SPTB: variants seen among roughly 807,000 people sequenced by gnomAD.
The protein encoded by SPTB is spectrin beta chain, erythrocytic.
SPTB carries 45 observed loss-of-function variants against 256.2 expected under a neutral mutation model. The ratio of observed to expected loss-of-function variants is 0.18; its 90% CI spans 0.14 to 0.23. SPTB has a LOEUF of 0.23. Among genes scored for constraint, SPTB ranks in the 10% least tolerant of loss-of-function variants. SPTB has a pLI of 1.00. For synonymous variants in SPTB, 1,231 were observed against 1,243.1 expected, an observed-to-expected ratio of 0.99 and a Z score of 0.21; for missense variants, 2,715 against 3,040.4, an observed-to-expected ratio of 0.89 and a Z score of 2.52.
At chr14:64,751,253 G>A (rs2081946501) in intron 33 of SPTB, among the ~76,000 whole-genome samples, 2 of 151,804 alleles carry the variant, frequency 1.3e-5, no homozygotes, top group Admixed American at 1.3e-4. Context: ...CCGAGTAGCT[G>A]GGACTACAGG....
At position 64,772,602 on chromosome 14, in the gene SPTB, T is replaced by C. The variant is rs895736691; in HGVS notation, c.5531A>G (p.Glu1844Gly). 2 of 1,609,730 alleles carry C rather than the reference T, an allele frequency of 1.2e-6. No homozygotes were observed. The highest frequency in any genetic ancestry group is 3.3e-5 in the Admixed American group (2 of 60,008). Reference sequence around the variant, plus strand: ...TACCTGGACACCCAGCAGGTGGAGCTCCCGCTCGAAGGCTGTGTGCACCCG... The same window carrying C: ...TACCTGGACACCCAGCAGGTGGAGCCCCCGCTCGAAGGCTGTGTGCACCCG... ...FHRVHTAFERELHLLGVQVQQ... is the reference protein window; with the variant it reads ...FHRVHTAFERGLHLLGVQVQQ... Residue 1844 changes from glutamate (E) to glycine (G), a missense_variant, in exon 26 of 36, where the codon GAG (glutamate) becomes GGG (glycine). Physicochemically the swap from Glu to Gly is moderately conservative, Grantham distance 98. Coordinates refer to ENST00000644917, the MANE Select transcript of SPTB (RefSeq NM_001355436.2). This position sits in a 1 kb window ranked among gnomAD's most constrained non-coding sequence, Gnocchi z 5.4.
chr14:64,780,475 G>A (rs1209976328), intron 20 of SPTB, among the ~76,000 whole-genome samples: 1 of 152,170 alleles, frequency 6.6e-6, no homozygotes, highest in Admixed American at 6.5e-5. Flanking sequence ...GTGCAATGGT[G>A]CAATCTTGGC....
Position 64,794,621 on chromosome 14 carries a change from G to C in SPTB, c.1645-4C>G. The C allele has an allele frequency of 1.9e-6, 3 of 1,614,110 alleles. No homozygotes were observed. The South Asian group carries it at 3.3e-5, about 18-fold the overall frequency. The stretch of plus-strand genomic sequence containing the variant: ...ACTCGGCAGACAAGAGGTGAGCCTG[G>C]CAAAGAGAACAGCAGAAAGGAAATG... On this transcript the variant is annotated splice_region_variant and splice_polypyrimidine_tract_variant and intron_variant, in intron 12 of 35. Transcript: ENST00000644917.
In SPTB at chr14:64,792,212, C is replaced by A. The variant is rs925443704; in HGVS notation, c.2667-356G>T. ...ACAAGGGCCACCTTCCAGGCCTCTG[C>A]TTTTCCGGCTGTTGCTTTTGGACTC... On this transcript the variant is annotated intron_variant, in intron 14 of 35. Transcript: ENST00000644917. The surrounding 1 kb of genome is among the most constrained non-coding windows in gnomAD (Gnocchi z 4.2). 5.3e-5 allele frequency among the ~76,000 whole-genome samples: 8 copies of A among 152,344 alleles called. No individual in the cohort carries two copies. The highest frequency in any genetic ancestry group is 5.2e-4 in the Admixed American group (8 of 15,298).
At position 64,825,824 on chromosome 14, in the gene SPTB, G is replaced by T. The variant is rs369083256; in HGVS notation, c.-51-2679C>A. Among the ~76,000 whole-genome samples the T allele has an allele frequency of 6.6e-6, 1 of 152,218 alleles. No homozygotes were observed. The highest frequency in any genetic ancestry group is 1.9e-4 in the East Asian group (1 of 5,198). On this transcript the variant is annotated intron_variant, in intron 1 of 35. Transcript: ENST00000644917. The surrounding 1 kb of genome is among the most constrained non-coding windows in gnomAD (Gnocchi z 4.8). ...CGTTCAAGACAAGATTGATGGCCCCGGGTGCAGAAGAGCAGCGGCTCGACA... is the reference window on the plus strand; with the variant it reads ...CGTTCAAGACAAGATTGATGGCCCCTGGTGCAGAAGAGCAGCGGCTCGACA...
Position 64,786,328 on chromosome 14 carries a change from C to T in SPTB, c.3561+76G>A, listed in dbSNP as rs1486948897. ...AGAGTAATGTGGTCCCTGAGTCTTA[C>T]AGCACATTTGTGGACTCACCACAAG... is the stretch of plus-strand genomic sequence containing the variant. On this transcript the variant is annotated intron_variant, in intron 16 of 35. Transcript: ENST00000644917. The surrounding 1 kb of genome is among the most constrained non-coding windows in gnomAD (Gnocchi z 5.6). The T allele has an allele frequency of 1.4e-5, 22 of 1,574,482 alleles. No homozygotes were observed. The highest frequency in any genetic ancestry group is 1.9e-5 in the Non-Finnish European group (22 of 1,149,024).
At position 64,772,870 on chromosome 14, in the gene SPTB, C is replaced by T. The variant is rs374977591; in HGVS notation, c.5263G>A (p.Glu1755Lys). ...CTGTGGCCCGCGTCGATGAGTCGCT[C>T]GATGAAGGCATTCACATTGTCCACC... Reference protein sequence around the residue: ...ERVDNVNAFIERLIDAGHSEA... With the variant: ...ERVDNVNAFIKRLIDAGHSEA... Residue 1755 changes from glutamate to lysine, a missense_variant, in exon 26 of 36, where the codon GAG becomes AAG. By Grantham distance (56) the Glu-to-Lys change is moderately conservative. Transcript: ENST00000644917. The surrounding 1 kb of genome is among the most constrained non-coding windows in gnomAD (Gnocchi z 5.4). 2 of 1,611,162 alleles carry T rather than the reference C, an allele frequency of 1.2e-6. No individual in the cohort carries two copies. Among genetic ancestry groups the T allele is most frequent in the East Asian group, 2.2e-5 (1 of 44,824 alleles).
intron 1 of SPTB, among the ~76,000 whole-genome samples, chr14:64,842,446 C>T (rs1000552690): frequency 5.9e-5 from 9 of 152,236 alleles, no homozygotes; most frequent in Admixed American, 1.3e-4. Flanking sequence ...AGTTAGAATG[C>T]CTGGGGATGT....
intron 1 of SPTB, among the ~76,000 whole-genome samples, chr14:64,835,181 G>A (rs981468288): frequency 6.6e-6 from 1 of 152,122 alleles, no homozygotes; most frequent in Admixed American, 6.5e-5. Flanking sequence ...GGAACATTTG[G>A]GAACGTGCCT....
rs149316006 is a variant in SPTB, at chr14:64,787,084, C to G, written c.2881G>C (p.Val961Leu). Residue 961 changes from valine (V) to leucine (L), a missense_variant, in exon 16 of 36, where the codon GTA (valine) becomes CTA (leucine). Coordinates refer to ENST00000644917, the MANE Select transcript of SPTB (RefSeq NM_001355436.2). ...CACTTGCTGGTCTCCTCGCAATCTA[C>G]GCAGTAGTTGTGCACTCGGAGGGCT... ...DSALRVHNYCVDCEETSKWIT... is the reference protein window; with the variant it reads ...DSALRVHNYCLDCEETSKWIT... 2.0e-5 allele frequency: 32 copies of G among 1,612,860 alleles called. No individual in the cohort carries two copies. In the East Asian group the frequency reaches 5.6e-4, roughly 28 times the overall value.
rs939852403 is a variant in SPTB, at chr14:64,749,428, C to T, written c.6865G>A (p.Glu2289Lys). The part of the protein sequence containing the change: ...WLQGVSTAIN[E>K]SQSIRVKAQS... The stretch of plus-strand genomic sequence containing the variant: ...GCCTTGACGCGGATGCTCTGGGACT[C>T]GTTGATGGCGGTGCTCACGCCCTGC... The change falls in exon 36 of 36, where the codon GAG becomes AAG. Residue 2289 changes from glutamate (E) to lysine (K), a missense_variant. Around this residue, in one of 4 missense-constraint regions of SPTB, gnomAD observed 2,239 missense variants for 2,384.4 expected, o/e 0.94. Transcript: ENST00000644917. This position sits in a 1 kb window ranked among gnomAD's most constrained non-coding sequence, Gnocchi z 4.7. 1.1e-5 allele frequency: 17 copies of T among 1,604,888 alleles called. No homozygotes were observed. The Middle Eastern group carries it at 6.6e-4, about 63-fold the overall frequency.
At chr14:64,776,443 A>C (rs914667995) in intron 22 of SPTB, among the ~76,000 whole-genome samples, 3 of 152,112 alleles carry the variant, frequency 2.0e-5, no homozygotes, top group Middle Eastern at 3.4e-3. Flanking sequence ...GTGCCCTAAA[A>C]ATTAATTTCT....
intron 33 of SPTB, among the ~76,000 whole-genome samples, 174 bp downstream of exon 33, chr14:64,753,363 A>G (rs1012714372): frequency 2.6e-5 from 4 of 152,106 alleles, no homozygotes; most frequent in Non-Finnish European, 5.9e-5. Flanking sequence ...AGGCTTTCCC[A>G]TCATGCCAAG....
rs2082891444 is a variant in SPTB, at chr14:64,801,823, A to G, written c.578T>C (p.Val193Ala). 1 of 1,614,204 alleles carries G rather than the reference A, an allele frequency of 6.2e-7. No individual in the cohort carries two copies. Among genetic ancestry groups the G allele is most frequent in the East Asian group, 2.2e-5 (1 of 44,886 alleles). ...GCTGGAGGTAAAGTTGGTGACATTA[A>G]CATGAGGGTAGCTGCATCCAAGAGA... ...CQMKTAGYPH[V>A]NVTNFTSSWK... is the part of the protein sequence containing the mutation. The change falls in exon 6 of 36, where the codon GTT becomes GCT. Residue 193 changes from valine (V) to alanine (A), a missense_variant. Transcript: ENST00000644917.
At chr14:64,763,826 G>C in intron 32 of SPTB, 1 of 519,000 alleles carries the variant, frequency 1.9e-6, no homozygotes, top group Non-Finnish European at 3.8e-6. Context: ...GAGGGAAGGC[G>C]GTGGGACCGT....
At position 64,792,970 on chromosome 14, in the gene SPTB, G is replaced by T. The variant is rs376511851; in HGVS notation, c.2666+27C>A. ...GGTGCCCAGGCCTGGGTACAGGGACGTGAGGAAAAGATGAGTTAACTCTGA... is the reference window on the plus strand; with the variant it reads ...GGTGCCCAGGCCTGGGTACAGGGACTTGAGGAAAAGATGAGTTAACTCTGA... On this transcript the variant is annotated intron_variant, in intron 14 of 35. Transcript: ENST00000644917. The surrounding 1 kb of genome is among the most constrained non-coding windows in gnomAD (Gnocchi z 4.2). 2 of 1,613,694 alleles carry T rather than the reference G, an allele frequency of 1.2e-6. No homozygotes were observed. The highest frequency in any genetic ancestry group is 1.1e-5 in the South Asian group (1 of 91,072).
chr14:64,833,990 C>G (rs2083485357), intron 1 of SPTB, among the ~76,000 whole-genome samples: 3 of 152,276 alleles, frequency 2.0e-5, no homozygotes, highest in Middle Eastern at 3.4e-3. Context: ...GACATTGTCC[C>G]TGTCACTCCT....
intron 1 of SPTB, among the ~76,000 whole-genome samples, chr14:64,879,006 G>A (rs975328709): frequency 6.6e-6 from 1 of 152,202 alleles, no homozygotes; most frequent in African/African-American, 2.4e-5. Context: ...GAGTTGGTGG[G>A]AGTTGGGGAT....
In SPTB at chr14:64,753,540, T is replaced by C. The variant is rs1302697807; in HGVS notation, c.6599A>G (p.Asn2200Ser). ...CAGCAGCCTCTCCCGCACTCACCTG[T>C]TGGAAGCCTTCTTGTTGGGCCCCTC... ...DLEGPNKKASNRSWNNLYCVL... is the reference protein window; with the variant it reads ...DLEGPNKKASSRSWNNLYCVL... The change falls in exon 33 of 36, where the codon AAC (asparagine) becomes AGC (serine). Residue 2200 changes from asparagine (N) to serine (S), a missense_variant. Asn to Ser is a conservative substitution (Grantham distance 46). Transcript: ENST00000644917. The C allele has an allele frequency of 6.2e-7, 1 of 1,613,352 alleles. No individual in the cohort carries two copies. Among genetic ancestry groups the C allele is most frequent in the Non-Finnish European group, 8.5e-7 (1 of 1,180,010 alleles).
Sources: gnomAD v4.1 joint callset for allele counts (sites outside exome capture counted in the v4.1 genomes callset) on GRCh38, gnomAD v4.1.1 for gene constraint, gnomAD v4.1.1 regional missense constraint, Gnocchi (gnomAD v3.1) non-coding constraint, MANE v1.5 for transcripts, NCBI Gene and HGNC (gene_info 2026-07-23, HGNC 2026-07-21) for gene names.